Variants in ENO4 observed in about 807,000 individuals in gnomAD.
The protein encoded by ENO4 is enolase 4.
Under a neutral mutation model 63.2 loss-of-function variants are expected in ENO4, and 53 were observed. The observed-to-expected ratio is 0.84, with a 90% confidence interval of 0.67 to 1.05. The LOEUF (loss-of-function observed/expected upper bound fraction) is 1.05, where lower values mean the gene tolerates loss of function less well. ENO4 is among the 50% of genes least tolerant of loss of function. The probability of loss-of-function intolerance (pLI) is 0.00; values close to 1 mark genes in which losing one functional copy is unlikely to be tolerated. For synonymous variants in ENO4, 266 were observed against 283.8 expected (o/e 0.94, Z 0.63); for missense variants, 719 against 772.0 (o/e 0.93, Z 0.81).
intron 1 of ENO4, 58 bp downstream of exon 1, chr10:116,849,789 T>G: frequency 6.9e-7 from 1 of 1,450,130 alleles, no homozygotes; most frequent in Non-Finnish European, 9.2e-7. Context: ...CGCCCCGCGC[T>G]GCGGCAACGC....
At chr10:116,892,442 C>T (rs1290705049) in intron 10 of ENO4, among the ~76,000 whole-genome samples, 1 of 152,150 alleles carries the variant, frequency 6.6e-6, no homozygotes, top group Non-Finnish European at 1.5e-5. Flanking sequence ...AACATTAAGT[C>T]ATCATGGAAA....
intron 10 of ENO4, among the ~76,000 whole-genome samples, chr10:116,902,307 G>A (rs1476546507): frequency 3.3e-5 from 5 of 152,050 alleles, no homozygotes; most frequent in Non-Finnish European, 4.4e-5. Context: ...GAACCATTTC[G>A]CCTCTCAAGA....
chr10:116,905,787 T>C (rs1427602613), intron 10 of ENO4, among the ~76,000 whole-genome samples: 1 of 152,208 alleles, frequency 6.6e-6, no homozygotes, highest in East Asian at 1.9e-4. Flanking sequence ...TTTAAGGTAG[T>C]TTTTTGAAGT....
At chr10:116,904,638 G>C (rs1847888651) in intron 10 of ENO4, among the ~76,000 whole-genome samples, 1 of 151,934 alleles carries the variant, frequency 6.6e-6, no homozygotes, top group Non-Finnish European at 1.5e-5. Flanking sequence ...TATATTGGTG[G>C]AATATAATAC....
At chr10:116,891,500 C>G (rs2531686) in intron 10 of ENO4, among the ~76,000 whole-genome samples, 90,374 of 152,140 alleles carry the variant, frequency 0.59, 29,882 homozygotes, top group Non-Finnish European at 0.74. Flanking sequence ...TTACCGCCTT[C>G]AAGGACAGAA....
At chr10:116,860,298 A>G (rs1458133241) in intron 4 of ENO4, among the ~76,000 whole-genome samples, 2 of 152,234 alleles carry the variant, frequency 1.3e-5, no homozygotes, top group African/African-American at 4.8e-5. Context: ...AGGCACTGCT[A>G]AAGAACGTAA....
At chr10:116,886,327 G>A, downstream of ENO4, 1 of 1,552,170 alleles carries the variant, frequency 6.4e-7, no homozygotes, top group Non-Finnish European at 8.7e-7. Context: ...AAACATGTCA[G>A]GCTTCTGGTT....
Position 116,874,144 on chromosome 10 carries a change from G to T in ENO4, c.1284G>T (p.Val428=). ...CAGCGGAGATGGTTGACCTGTATGT[G>T]GATCTGATCAACAAGTACCCTTCAA... ...KNAAEMVDLY[V]DLINKYPSII... The change falls in exon 10 of 14, where the codon GTG becomes GTT. Residue 428 remains valine (V), a synonymous_variant. Transcript: ENST00000341276. The T allele has an allele frequency of 6.5e-7, 1 of 1,549,434 alleles. No homozygotes were observed.
intron 11 of ENO4, among the ~76,000 whole-genome samples, chr10:116,878,390 C>T (rs1846895482): frequency 6.6e-6 from 1 of 152,160 alleles, no homozygotes; most frequent in African/African-American, 2.4e-5. Flanking sequence ...ACCGTTGCTG[C>T]AGGAAGAGCT....
At chr10:116,911,667 A>G (rs1378472265) in exon 11 of ENO4, 4 of 1,574,960 alleles carry the variant, frequency 2.5e-6, no homozygotes, top group Non-Finnish European at 3.5e-6. Context: ...TAAACTGGCC[A>G]AAGATGAGGC....
chr10:116,855,615 T>C lies in ENO4; in HGVS notation c.166-8T>C. On this transcript the variant is annotated splice_region_variant and splice_polypyrimidine_tract_variant and intron_variant, in intron 1 of 13. Coordinates refer to ENST00000341276, the MANE Select transcript of ENO4 (RefSeq NM_001242699.2). Reference sequence around the variant, plus strand: ...CAGATGATTTTTGTTCTTTTGTGTGTGTTGAAGGCAAACTGCTTTTCTAAA... The same window carrying C: ...CAGATGATTTTTGTTCTTTTGTGTGCGTTGAAGGCAAACTGCTTTTCTAAA... 5 of 1,536,086 alleles carry C rather than the reference T, an allele frequency of 3.3e-6. No homozygotes were observed. In the South Asian group the frequency reaches 4.8e-5, roughly 15 times the overall value.
rs145536860 is a variant in ENO4 at position 116,855,017 on chromosome 10, A to G, written c.166-606A>G. Among the ~76,000 whole-genome samples, 1,230 of 151,434 alleles carry G rather than the reference A, an allele frequency of 8.1e-3. 10 individuals are homozygous for G. The highest frequency in any genetic ancestry group is 0.028 in the African/African-American group (1,160 of 41,278). On this transcript the variant is annotated intron_variant, in intron 1 of 13. Transcript: ENST00000341276. ...GATAGCTTAGGCAACTGAATTGACT[A>G]TAAGAACGCCTGCTAGCCTGTAATC...
rs1439875120 is a variant in ENO4, at chr10:116,881,558, T to C, written c.1767T>C (p.Ala589=). ...EHTFFYFNEE[A]EKAAEALEAA... ...CTTTTTTTTACTTTAATGAGGAAGCTGAAAAGGCTGCGGAGGCACTTGAGG... is the reference window on the plus strand; with the variant it reads ...CTTTTTTTTACTTTAATGAGGAAGCCGAAAAGGCTGCGGAGGCACTTGAGG... The change falls in exon 14 of 14, where the codon GCT becomes GCC. Residue 589 remains alanine, a synonymous_variant. Transcript: ENST00000341276. 1 of 1,548,600 alleles carries C rather than the reference T, an allele frequency of 6.5e-7. No homozygotes were observed. Among genetic ancestry groups the C allele is most frequent in the Admixed American group, 2.0e-5 (1 of 50,466 alleles).
At chr10:116,868,594 C>G (rs961895308) in intron 7 of ENO4, 56 bp from the exon 8 acceptor site, 3 of 1,467,934 alleles carry the variant, frequency 2.0e-6, no homozygotes, top group Non-Finnish European at 2.8e-6. Flanking sequence ...GCTTTGCTTG[C>G]TGCCACAGCC....
chr10:116,868,039 A>G (rs1453294792), intron 7 of ENO4, among the ~76,000 whole-genome samples: 1 of 152,176 alleles, frequency 6.6e-6, no homozygotes, highest in Admixed American at 6.5e-5. Flanking sequence ...GATCCTTGCA[A>G]TAATATGCAC....
rs1429669079 is a variant in ENO4, at chr10:116,861,059, G to A, written c.805G>A (p.Glu269Lys). 1 of 1,548,372 alleles carries A rather than the reference G, an allele frequency of 6.5e-7. No homozygotes were observed. Among genetic ancestry groups the A allele is most frequent in the Admixed American group, 2.0e-5 (1 of 50,668 alleles). The change falls in exon 6 of 14, where the codon GAA becomes AAA. Residue 269 changes from glutamate (E) to lysine (K), a missense_variant and splice_region_variant. Physicochemically the swap from Glu to Lys is moderately conservative, Grantham distance 56 (BLOSUM62 1). Around this residue, in one of 3 missense-constraint regions of ENO4, gnomAD observed 544 missense variants for 583.6 expected, o/e 0.93. Transcript: ENST00000341276. Reference protein sequence around the residue: ...LNIALLKHNQEQPTTLSMPLL... With the variant: ...LNIALLKHNQKQPTTLSMPLL... ...TTCCCTCGTTTTCCCCCTATTTCAG[G>A]AACAGCCAACAACGCTATCTATGCC...
chr10:116,864,614 G>GCTA (rs1846504559), intron 7 of ENO4, among the ~76,000 whole-genome samples: 1 of 152,158 alleles, frequency 6.6e-6, no homozygotes, highest in Non-Finnish European at 1.5e-5. Flanking sequence ...TACTGATAGA[G>GCTA]CTACCCTCCC....
chr10:116,908,653 G>C (rs1479108952), intron 10 of ENO4, among the ~76,000 whole-genome samples: 1 of 152,094 alleles, frequency 6.6e-6, no homozygotes, highest in East Asian at 1.9e-4. Context: ...TCAATGGCTT[G>C]ATTTAATTCA....
chr10:116,906,101 T>C (rs537719756), intron 10 of ENO4, among the ~76,000 whole-genome samples: 1 of 152,398 alleles, frequency 6.6e-6, no homozygotes, highest in East Asian at 1.9e-4. Context: ...CTACTGCAAC[T>C]ACTAAATGAG....
Sources: allele counts gnomAD v4.1 joint callset (sites outside exome capture counted in the v4.1 genomes callset), GRCh38; gene constraint gnomAD v4.1.1; regional missense constraint gnomAD v4.1.1; transcripts MANE v1.5; gene names NCBI Gene and HGNC (gene_info 2026-07-23, HGNC 2026-07-21).